SEPTIN10: variants seen among roughly 807,000 people sequenced by gnomAD.
SEPTIN10 encodes the protein septin 10, also known as septin-10.
A neutral mutation model predicts 54.8 loss-of-function variants in SEPTIN10; 66 were observed. The observed-to-expected ratio is 1.21, with a 90% confidence interval of 0.99 to 1.48. SEPTIN10 has a LOEUF of 1.48. Among genes scored for constraint, SEPTIN10 ranks in the 40% most tolerant of loss-of-function variants. SEPTIN10 has a pLI of 0.00. For synonymous variants in SEPTIN10, 161 were observed against 181.0 expected, an observed-to-expected ratio of 0.89 and a Z score of 0.89; for missense variants, 620 against 545.6, an observed-to-expected ratio of 1.14 and a Z score of -1.36.
At chr2:109,576,781 C>A (rs28615410) in intron 4 of SEPTIN10, among the ~76,000 whole-genome samples, 69,045 of 151,900 alleles carry the variant, frequency 0.45, 16,127 homozygotes, top group African/African-American at 0.56. Context: ...TTCTTTCATA[C>A]TCTGGACAAA....
At chr2:109,578,707 C>T (rs1211856923) in intron 4 of SEPTIN10, among the ~76,000 whole-genome samples, 2 of 151,550 alleles carry the variant, frequency 1.3e-5, no homozygotes, top group South Asian at 2.1e-4. Context: ...GCGGTGGTTA[C>T]AGTGAACCGA....
At chr2:109,546,364 TG>T (rs537853285) in intron 9 of SEPTIN10, 127 bp from the exon 10 acceptor site, 270 of 523,184 alleles carry the variant, frequency 5.2e-4, no homozygotes, top group African/African-American at 4.7e-3. Context: ...AAAATCTTTC[TG>T]AAGTCTCAGA....
In SEPTIN10 at chr2:109,611,399, G is replaced by A. The variant is rs560542901; in HGVS notation, c.30+2399C>T. On this transcript the variant is annotated intron_variant, in intron 1 of 10. Coordinates refer to ENST00000397712, the MANE Select transcript of SEPTIN10 (RefSeq NM_144710.5). ...TTAGAAGATGAAAAGATAAACTACA[G>A]ACTGAAAGAGAACATTTTCAAATCA... is the stretch of plus-strand genomic sequence containing the variant. 7.0e-4 allele frequency among the ~76,000 whole-genome samples: 106 copies of A among 150,504 alleles called. 1 individual carries two copies. Among genetic ancestry groups the A allele is most frequent in the African/African-American group, 2.5e-3 (104 of 40,984 alleles).
At chr2:109,577,674 A>C (rs546354643) in intron 4 of SEPTIN10, among the ~76,000 whole-genome samples, 93 of 152,044 alleles carry the variant, frequency 6.1e-4, no homozygotes, top group African/African-American at 2.2e-3. Flanking sequence ...GCACTTTGGG[A>C]GGCCAAGGTG....
intron 1 of SEPTIN10, among the ~76,000 whole-genome samples, chr2:109,595,231 T>C (rs1225169089): frequency 6.6e-6 from 1 of 152,156 alleles, no homozygotes; most frequent in African/African-American, 2.4e-5. Flanking sequence ...AAAATGACAC[T>C]TGTCAGTTGG....
At chr2:109,567,764 C>T in intron 6 of SEPTIN10, 51 bp downstream of exon 6, 1 of 1,495,400 alleles carries the variant, frequency 6.7e-7, no homozygotes, top group Non-Finnish European at 9.0e-7. Flanking sequence ...TCACAAATTA[C>T]AGTTTTATTT....
chr2:109,584,979 T>G, intron 4 of SEPTIN10, 147 bp downstream of exon 4: 2 of 422,270 alleles, frequency 4.7e-6, no homozygotes, highest in Non-Finnish European at 8.3e-6. Flanking sequence ...GAACAAAATA[T>G]TGTTTAATTA....
rs765987610 is a variant in SEPTIN10 at position 109,564,355 on chromosome 2, C to A, written c.1028+11G>T. ...TCCTCTTTGGTTGGCTTCCCAAGAA[C>A]CCCACCCTACCTGACTGGCTTGTTT... On this transcript the variant is annotated intron_variant, in intron 8 of 10. Transcript: ENST00000397712. 2.0e-6 allele frequency: 3 copies of A among 1,523,736 alleles called. No homozygotes were observed. Among genetic ancestry groups the A allele is most frequent in the Non-Finnish European group, 2.7e-6 (3 of 1,130,502 alleles). 94.4% of individuals were successfully genotyped at this position (1,523,736 alleles called of 1,614,324 possible). A position where few individuals can be genotyped will look rare whatever the true frequency, so the allele number is the denominator to read the frequency against.
At chr2:109,610,223 G>A (rs1698956471) in intron 1 of SEPTIN10, among the ~76,000 whole-genome samples, 1 of 151,962 alleles carries the variant, frequency 6.6e-6, no homozygotes, top group Non-Finnish European at 1.5e-5. Flanking sequence ...CAAGTAGTTG[G>A]GACTACAGGC....
Position 109,590,803 on chromosome 2 carries a change from A to G in SEPTIN10, c.99+2248T>C, listed in dbSNP as rs559408056. Among the ~76,000 whole-genome samples the G allele has an allele frequency of 2.2e-3, 329 of 152,276 alleles. 3 individuals are homozygous for G. Among genetic ancestry groups the G allele is most frequent in the South Asian group, 4.1e-3 (20 of 4,820 alleles). On this transcript the variant is annotated intron_variant, in intron 2 of 10. Coordinates refer to ENST00000397712, the MANE Select transcript of SEPTIN10 (RefSeq NM_144710.5). Reference sequence around the variant, plus strand: ...AAGCATGAAGAGAACTCCACCTGCCAGTTCTCCCTTGCTGGCTTTCAGAAT... The same window carrying G: ...AAGCATGAAGAGAACTCCACCTGCCGGTTCTCCCTTGCTGGCTTTCAGAAT...
At chr2:109,552,998 G>A in intron 9 of SEPTIN10, 89 bp downstream of exon 9, 2 of 1,460,826 alleles carry the variant, frequency 1.4e-6, no homozygotes, top group Non-Finnish European at 1.9e-6. Context: ...GCCTACAAAA[G>A]AGTCTCAAGC....
intron 8 of SEPTIN10, among the ~76,000 whole-genome samples, chr2:109,563,957 C>CA (rs1686291201): frequency 6.6e-6 from 1 of 152,032 alleles, no homozygotes; most frequent in Non-Finnish European, 1.5e-5. Flanking sequence ...CCTGTCTCTA[C>CA]AAAAAATAAA....
At chr2:109,544,460 A>G (rs945377448) in intron 10 of SEPTIN10, 136 bp from the exon 11 acceptor site, 4 of 1,386,910 alleles carry the variant, frequency 2.9e-6, no homozygotes, top group Non-Finnish European at 3.7e-6. Context: ...CAAAAACACC[A>G]AACCATATTT....
rs199917466 is a variant in SEPTIN10, at chr2:109,564,358, C to T, written c.1028+8G>A. The T allele has an allele frequency of 6.1e-3, 9,379 of 1,538,600 alleles. 39 individuals are homozygous for T. Among genetic ancestry groups the T allele is most frequent in the Non-Finnish European group, 7.6e-3 (8,653 of 1,137,600 alleles). ...TCTTTGGTTGGCTTCCCAAGAACCC[C>T]ACCCTACCTGACTGGCTTGTTTTCT... On this transcript the variant is annotated splice_region_variant and intron_variant, in intron 8 of 10. Coordinates refer to ENST00000397712, the MANE Select transcript of SEPTIN10 (RefSeq NM_144710.5).
intron 1 of SEPTIN10, among the ~76,000 whole-genome samples, chr2:109,602,398 G>A (rs1436518573): frequency 2.6e-5 from 4 of 152,064 alleles, no homozygotes; most frequent in East Asian, 3.9e-4. Flanking sequence ...AAAGTAAGCC[G>A]GGCACGGTGG....
At chr2:109,612,324 G>A (rs542150760) in intron 1 of SEPTIN10, among the ~76,000 whole-genome samples, 5 of 152,328 alleles carry the variant, frequency 3.3e-5, no homozygotes, top group African/African-American at 1.2e-4. Context: ...GGAAAGAAGT[G>A]TGTGTGGTTA....
intron 4 of SEPTIN10, among the ~76,000 whole-genome samples, chr2:109,578,413 A>G (rs1001332743): frequency 6.6e-6 from 1 of 152,236 alleles, no homozygotes; most frequent in Non-Finnish European, 1.5e-5. Context: ...AAAGGTCACT[A>G]CGTAATAATA....
chr2:109,545,838 T>C (rs2104538951), intron 10 of SEPTIN10: 2 of 1,435,606 alleles, frequency 1.4e-6, no homozygotes, highest in African/African-American at 1.4e-5. Flanking sequence ...TGGCAAATAC[T>C]GAACACATAA....
Position 109,585,796 on chromosome 2 carries a change from C to G in SEPTIN10, c.142G>C (p.Gly48Arg). Reference sequence around the variant, plus strand: ...AGCTGATCAGGCAAACTCTCAAAACCAACATGGCCAGACATAGTCAACGAA... The same window carrying G: ...AGCTGATCAGGCAAACTCTCAAAACGAACATGGCCAGACATAGTCAACGAA... ...IRSLTMSGHV[G>R]FESLPDQLVN... The change falls in exon 3 of 11, where the codon GGT becomes CGT. Residue 48 changes from glycine (G) to arginine (R), a missense_variant. Transcript: ENST00000397712. 1.2e-6 allele frequency: 2 copies of G among 1,613,730 alleles called. No individual in the cohort carries two copies. Among genetic ancestry groups the G allele is most frequent in the Non-Finnish European group, 1.7e-6 (2 of 1,179,832 alleles).
Sources: gnomAD v4.1 joint callset for allele counts (sites outside exome capture counted in the v4.1 genomes callset) on GRCh38, gnomAD v4.1.1 for gene constraint, MANE v1.5 for transcripts, NCBI Gene and HGNC (gene_info 2026-07-23, HGNC 2026-07-21) for gene names.